Variants in ERBB4 observed in about 807,000 individuals in gnomAD.
The protein encoded by ERBB4 is erb-b2 receptor tyrosine kinase 4.
A neutral mutation model predicts 158.0 loss-of-function variants in ERBB4; 42 were observed. The ratio of observed to expected loss-of-function variants is 0.27; its 90% CI spans 0.21 to 0.34. The LOEUF (loss-of-function observed/expected upper bound fraction) is 0.34, where lower values mean the gene tolerates loss of function less well. ERBB4 is among the 10% of genes least tolerant of loss of function. The pLI, the probability that ERBB4 is intolerant of heterozygous loss-of-function variation, is 1.00. For synonymous variants in ERBB4, 583 were observed against 558.7 expected, an observed-to-expected ratio of 1.04 and a Z score of -0.61; for missense variants, 1,333 against 1,624.1, an observed-to-expected ratio of 0.82 and a Z score of 3.08.
At chr2:211,817,339 T>C (rs1303230849) in intron 3 of ERBB4, among the ~76,000 whole-genome samples, 1 of 152,168 alleles carries the variant, frequency 6.6e-6, no homozygotes, top group Non-Finnish European at 1.5e-5. Flanking sequence ...GCGGAGTACC[T>C]TCTTGTTAAA....
chr2:211,860,183 A>G (rs2077975927), intron 3 of ERBB4, among the ~76,000 whole-genome samples: 1 of 152,158 alleles, frequency 6.6e-6, no homozygotes, highest in Non-Finnish European at 1.5e-5. Context: ...ATTACTAAGT[A>G]AAGTATACCA....
At chr2:211,647,166 A>T (rs1209093786) in intron 16 of ERBB4, among the ~76,000 whole-genome samples, 1 of 151,488 alleles carries the variant, frequency 6.6e-6, no homozygotes, top group African/African-American at 2.4e-5. Context: ...TAATCCTTTC[A>T]TATGTTCTTT....
At chr2:211,689,055 G>A (rs560460092) in intron 12 of ERBB4, among the ~76,000 whole-genome samples, 7 of 152,122 alleles carry the variant, frequency 4.6e-5, no homozygotes, top group African/African-American at 1.7e-4. Flanking sequence ...ATGATTTGAT[G>A]TTTTGCTTGG....
chr2:212,436,232 T>C (rs897353183), intron 1 of ERBB4, among the ~76,000 whole-genome samples: 3 of 151,942 alleles, frequency 2.0e-5, no homozygotes, highest in Admixed American at 2.0e-4. Context: ...ATCGGTAAGA[T>C]CTTAAAACTG....
At chr2:212,039,644 A>G (rs1196108704) in intron 2 of ERBB4, among the ~76,000 whole-genome samples, 2 of 152,152 alleles carry the variant, frequency 1.3e-5, no homozygotes, top group Non-Finnish European at 2.9e-5. Flanking sequence ...ATCATGTGCC[A>G]GCTTCTGTGA....
At chr2:212,202,192 G>A (rs2082606221) in intron 1 of ERBB4, among the ~76,000 whole-genome samples, 1 of 151,976 alleles carries the variant, frequency 6.6e-6, no homozygotes, top group South Asian at 2.1e-4. Context: ...TAAAATGGTG[G>A]TGCGAAATTT....
intron 2 of ERBB4, among the ~76,000 whole-genome samples, chr2:212,094,286 A>T (rs77092374): frequency 0.14 from 21,623 of 149,836 alleles, 1,951 homozygotes; most frequent in Non-Finnish European, 0.2. Context: ...AAAATAAAAT[A>T]AAATTAAATT....
intron 2 of ERBB4, among the ~76,000 whole-genome samples, chr2:212,076,891 T>C (rs2078291400): frequency 6.6e-6 from 1 of 151,952 alleles, no homozygotes; most frequent in African/African-American, 2.4e-5. Context: ...TTGTAATTTA[T>C]GTAACCTATG....
chr2:212,320,537 T>G lies in ERBB4; in HGVS notation c.83-195634A>C, dbSNP rs1205486426. Among the ~76,000 whole-genome samples, 4 of 147,712 alleles carry G rather than the reference T, an allele frequency of 2.7e-5. 1 individual carries two copies. The Middle Eastern group carries it at 0.011, about 393-fold the overall frequency. On this transcript the variant is annotated intron_variant, in intron 1 of 27. Coordinates refer to ENST00000342788, the MANE Select transcript of ERBB4 (RefSeq NM_005235.3). ...CAGAAAAAAAAAAACAACACAAGATTCTGGCTATTATATTCTGAGTTCTCA... is the reference window on the plus strand; with the variant it reads ...CAGAAAAAAAAAAACAACACAAGATGCTGGCTATTATATTCTGAGTTCTCA...
At chr2:211,623,004 T>A (rs1315588550) in intron 18 of ERBB4, among the ~76,000 whole-genome samples, 15 of 18,074 alleles carry the variant, frequency 8.3e-4, no homozygotes, top group African/African-American at 2.7e-3. Context: ...TATATATATA[T>A]ATATATATAT....
intron 3 of ERBB4, among the ~76,000 whole-genome samples, chr2:211,864,511 A>C (rs1197554613): frequency 6.6e-6 from 1 of 152,190 alleles, no homozygotes; most frequent in Non-Finnish European, 1.5e-5. Context: ...CAGGGTCTGA[A>C]AAGCTCAAGA....
intron 1 of ERBB4, among the ~76,000 whole-genome samples, chr2:212,528,511 A>C (rs935836250): frequency 2.0e-5 from 3 of 152,194 alleles, no homozygotes; most frequent in Non-Finnish European, 2.9e-5. Flanking sequence ...AAGGTCAGGA[A>C]AGTTCTAAAA....
At chr2:211,860,706 G>C (rs13034674) in intron 3 of ERBB4, among the ~76,000 whole-genome samples, 28,235 of 150,852 alleles carry the variant, frequency 0.19, 3,010 homozygotes, top group South Asian at 0.32. Context: ...ACAGAAAGAT[G>C]ATTTCCCAAA....
chr2:211,841,101 C>T (rs80135859), intron 3 of ERBB4, among the ~76,000 whole-genome samples: 5,956 of 152,052 alleles, frequency 0.039, 179 homozygotes, highest in Non-Finnish European at 0.059. Flanking sequence ...TGAAATTATA[C>T]ATTAATATAC....
intron 20 of ERBB4, among the ~76,000 whole-genome samples, chr2:211,491,326 T>C (rs2065336563): frequency 6.6e-6 from 1 of 152,028 alleles, no homozygotes; most frequent in Admixed American, 6.6e-5. Flanking sequence ...AGTAACAAAA[T>C]CAGGGCAGAA....
chr2:212,047,463 TTTTA>T (rs561340076), intron 2 of ERBB4, among the ~76,000 whole-genome samples: 4 of 151,662 alleles, frequency 2.6e-5, no homozygotes, highest in South Asian at 2.1e-4. Context: ...TTCATATTAA[TTTTA>T]TTTATTTATT....
intron 1 of ERBB4, among the ~76,000 whole-genome samples, chr2:212,367,582 T>C (rs62184091): frequency 0.079 from 12,076 of 152,002 alleles, 701 homozygotes; most frequent in African/African-American, 0.16. Flanking sequence ...CAAAGATAAA[T>C]AGCTGGGACT....
chr2:212,230,482 A>G (rs143844033), intron 1 of ERBB4, among the ~76,000 whole-genome samples: 35 of 152,294 alleles, frequency 2.3e-4, no homozygotes, highest in African/African-American at 8.2e-4. Context: ...ATTTTTGTCA[A>G]ATTGCCAAAT....
At chr2:212,180,092 C>T (rs138280918) in intron 1 of ERBB4, among the ~76,000 whole-genome samples, 33 of 151,586 alleles carry the variant, frequency 2.2e-4, no homozygotes, top group African/African-American at 8.0e-4. Context: ...TGATAATTGC[C>T]GTTGCATGCC....
Sources: gnomAD v4.1 joint callset for allele counts (sites outside exome capture counted in the v4.1 genomes callset) on GRCh38, gnomAD v4.1.1 for gene constraint, MANE v1.5 for transcripts, NCBI Gene and HGNC (gene_info 2026-07-23, HGNC 2026-07-21) for gene names.